Variants in TEX36 observed in about 807,000 individuals in gnomAD.
TEX36 encodes testis expressed 36.
In TEX36, 12 loss-of-function variants were observed where a neutral mutation model predicts 13.6. The observed-to-expected ratio is 0.88, with a 90% CI of 0.56 to 1.43. The LOEUF (loss-of-function observed/expected upper bound fraction) is 1.43, where lower values mean the gene tolerates loss of function less well. Ranked by LOEUF, TEX36 falls within the 40% of genes most tolerant of loss-of-function variation. The pLI, the probability that TEX36 is intolerant of heterozygous loss-of-function variation, is 0.00. For synonymous variants in TEX36, 93 were observed against 83.0 expected, an observed-to-expected ratio of 1.12 and a Z score of -0.65; for missense variants, 224 against 228.3, an observed-to-expected ratio of 0.98 and a Z score of 0.12.
chr10:125,649,438 G>C (rs1038287931), intron 3 of TEX36, among the ~76,000 whole-genome samples: 1 of 152,206 alleles, frequency 6.6e-6, no homozygotes, highest in Non-Finnish European at 1.5e-5. Context: ...ATCCTTTACA[G>C]ACAAACAAAT....
At chr10:125,595,293 C>A (rs111923333) in intron 3 of TEX36, among the ~76,000 whole-genome samples, 5,807 of 152,112 alleles carry the variant, frequency 0.038, 170 homozygotes, top group Non-Finnish European at 0.063. Flanking sequence ...ATCACCCCCC[C>A]ACCAAAATAA....
chr10:125,624,041 TA>T (rs1373051660), intron 3 of TEX36, among the ~76,000 whole-genome samples: 49 of 152,374 alleles, frequency 3.2e-4, no homozygotes, highest in African/African-American at 1.2e-3. Context: ...ATTAATTCTC[TA>T]TGTCTCTGCT....
At chr10:125,583,852 A>T (rs12254652) in intron 3 of TEX36, among the ~76,000 whole-genome samples, 104 of 152,286 alleles carry the variant, frequency 6.8e-4, no homozygotes, top group African/African-American at 2.3e-3. Context: ...GAGTCTGATC[A>T]TTCTTCCCAT....
Position 125,609,527 on chromosome 10 carries a change from G to A in TEX36, c.265-32653C>T, listed in dbSNP as rs190618734. Among the ~76,000 whole-genome samples the A allele has an allele frequency of 1.8e-4, 28 of 152,246 alleles. No individual in the cohort carries two copies. The South Asian group carries it at 2.3e-3, about 12-fold the overall frequency. ...TCCAGCCCAGGAAAACCTCCCATGCGGGATCCTTCTCCTTCTTTTCTTTTT... is the reference window on the plus strand; with the variant it reads ...TCCAGCCCAGGAAAACCTCCCATGCAGGATCCTTCTCCTTCTTTTCTTTTT... On this transcript the variant is annotated intron_variant, in intron 3 of 3. Transcript: ENST00000532135.
rs144129087 is a variant in TEX36 at position 125,637,441 on chromosome 10, C to T, written c.265-15796G>A. On this transcript the variant is annotated intron_variant, in intron 3 of 3. Coordinates refer to the TEX36 transcript ENST00000526819. ...CTTCCTTTTTAAGACTAGATGAGAT[C>T]CCATTGTATGTATGTACCACATTTT... Among the ~76,000 whole-genome samples the T allele has an allele frequency of 5.1e-3, 770 of 152,236 alleles. 5 individuals are homozygous for T. The highest frequency in any genetic ancestry group is 0.017 in the African/African-American group (722 of 41,530).
intron 1 of TEX36, among the ~76,000 whole-genome samples, chr10:125,672,662 T>G (rs1381751725): frequency 6.6e-6 from 1 of 152,232 alleles, no homozygotes; most frequent in Non-Finnish European, 1.5e-5. Context: ...GATCCAGAGC[T>G]GAGTTTGAGT....
chr10:125,635,403 A>AACTT (rs1809204409), intron 3 of TEX36, among the ~76,000 whole-genome samples: 1 of 152,234 alleles, frequency 6.6e-6, no homozygotes. Context: ...ACTTAGAAGT[A>AACTT]ACTTGCCCAA....
At chr10:125,618,942 T>TAAAAAAAAAAAAAAAA (rs11452140), downstream of TEX36, among the ~76,000 whole-genome samples, 6 of 43,586 alleles carry the variant, frequency 1.4e-4, no homozygotes, top group African/African-American at 6.0e-4. Context: ...CCGTCTCTAC[T>TAAAAAAAAAAAAAAAA]AAAAAAAAAA....
chr10:125,616,353 T>G (rs1278235835), intron 3 of TEX36, among the ~76,000 whole-genome samples: 1 of 147,518 alleles, frequency 6.8e-6, no homozygotes, highest in African/African-American at 2.5e-5. Flanking sequence ...CTCTTGCTTT[T>G]CTAGTTCTTT....
At chr10:125,617,737 A>C (rs1033176955), downstream of TEX36, among the ~76,000 whole-genome samples, 1 of 151,856 alleles carries the variant, frequency 6.6e-6, no homozygotes, top group Non-Finnish European at 1.5e-5. Flanking sequence ...CTTCATTTCA[A>C]CTTTGGTGAA....
intron 3 of TEX36, among the ~76,000 whole-genome samples, chr10:125,586,153 T>C (rs1038133542): frequency 1.3e-5 from 2 of 152,238 alleles, no homozygotes; most frequent in Admixed American, 1.3e-4. Flanking sequence ...CACATGTAGA[T>C]AGCATAATTT....
At chr10:125,656,413 C>T (rs559428988) in intron 3 of TEX36, among the ~76,000 whole-genome samples, 3 of 151,886 alleles carry the variant, frequency 2.0e-5, no homozygotes, top group East Asian at 1.9e-4. Context: ...GACCCCACCA[C>T]GCCTGGCTAA....
intron 3 of TEX36, among the ~76,000 whole-genome samples, chr10:125,596,489 T>A (rs1846082859): frequency 6.6e-6 from 1 of 152,300 alleles, no homozygotes; most frequent in East Asian, 1.9e-4. Flanking sequence ...CTGGAAAAGA[T>A]GAGAAAATGG....
chr10:125,663,560 G>C (rs565284425), intron 1 of TEX36, among the ~76,000 whole-genome samples: 1 of 152,214 alleles, frequency 6.6e-6, no homozygotes, highest in Non-Finnish European at 1.5e-5. Context: ...GCCAACATCT[G>C]TTATTTTTTG....
intron 3 of TEX36, among the ~76,000 whole-genome samples, chr10:125,616,114 A>G (rs7918324): frequency 0.013 from 1,903 of 152,166 alleles, 41 homozygotes; most frequent in African/African-American, 0.044. Flanking sequence ...GTATTTCTGT[A>G]GGATCGGTGA....
At chr10:125,661,167 C>A in intron 2 of TEX36, 66 bp from the exon 3 acceptor site, 1 of 1,330,030 alleles carries the variant, frequency 7.5e-7, no homozygotes, top group Non-Finnish European at 1.1e-6. Context: ...GAACTGGGAT[C>A]GGGTGATGTG....
At chr10:125,655,620 T>C (rs2133589523), downstream of TEX36, 2 of 1,094,418 alleles carry the variant, frequency 1.8e-6, no homozygotes, top group Non-Finnish European at 2.2e-6. Context: ...TTTTGTTTCC[T>C]CTGTATGGTT....
intron 3 of TEX36, among the ~76,000 whole-genome samples, chr10:125,634,357 A>C (rs12220827): frequency 0.075 from 11,340 of 152,060 alleles, 821 homozygotes; most frequent in East Asian, 0.31. Flanking sequence ...GTCATTCCGG[A>C]GAGGGTAGGT....
chr10:125,616,890 A>C (rs1447088596), downstream of TEX36, among the ~76,000 whole-genome samples: 1 of 150,564 alleles, frequency 6.6e-6, no homozygotes, highest in Admixed American at 6.6e-5. Flanking sequence ...TGGGGTGTTA[A>C]AGTCTCCCAT....
Sources: gnomAD v4.1 joint callset for allele counts (sites outside exome capture counted in the v4.1 genomes callset) on GRCh38, gnomAD v4.1.1 for gene constraint, MANE v1.5 for transcripts, NCBI Gene and HGNC (gene_info 2026-07-23, HGNC 2026-07-21) for gene names.